Variants in PCSK5 observed in about 807,000 individuals in gnomAD.
The protein encoded by PCSK5 is prohormone convertase 5.
Under a neutral mutation model 233.2 loss-of-function variants are expected in PCSK5, and 129 were observed. That is an observed-to-expected ratio of 0.55 (90% confidence interval 0.48 to 0.64). The LOEUF is 0.64. Ranked by LOEUF, PCSK5 falls within the 30% of genes least tolerant of loss-of-function variation. PCSK5 has a pLI of 0.00. For synonymous variants in PCSK5, 825 were observed against 879.2 expected, an observed-to-expected ratio of 0.94 and a Z score of 1.09; for missense variants, 2,076 against 2,430.1, an observed-to-expected ratio of 0.85 and a Z score of 3.06.
At chr9:76,172,997 G>A (rs1422116616) in intron 13 of PCSK5, among the ~76,000 whole-genome samples, 1 of 152,186 alleles carries the variant, frequency 6.6e-6, no homozygotes, top group Non-Finnish European at 1.5e-5. Flanking sequence ...TCCTAGAAAT[G>A]AATAGGAGAT....
intron 37 of PCSK5, among the ~76,000 whole-genome samples, chr9:76,356,428 T>C (rs1011067683): frequency 3.3e-5 from 5 of 152,212 alleles, no homozygotes; most frequent in African/African-American, 1.2e-4. Context: ...GGATGGAGAA[T>C]AGTAAGCAAG....
At chr9:76,198,235 T>C (rs1337247064) in intron 20 of PCSK5, among the ~76,000 whole-genome samples, 1 of 152,192 alleles carries the variant, frequency 6.6e-6, no homozygotes, top group Non-Finnish European at 1.5e-5. Flanking sequence ...GGACCATTGT[T>C]GGATCCAGTT....
chr9:75,935,375 C>G (rs80104319), intron 2 of PCSK5, among the ~76,000 whole-genome samples: 6 of 152,154 alleles, frequency 3.9e-5, no homozygotes, highest in Non-Finnish European at 7.4e-5. Flanking sequence ...CCGATATTCA[C>G]ATGTATACGT....
intron 5 of PCSK5, among the ~76,000 whole-genome samples, chr9:76,028,361 A>G (rs1478937945): frequency 6.6e-6 from 1 of 152,160 alleles, no homozygotes; most frequent in Non-Finnish European, 1.5e-5. Context: ...TGGAGACCAG[A>G]GTTTTATTAT....
intron 2 of PCSK5, among the ~76,000 whole-genome samples, chr9:75,951,854 A>G (rs1824873909): frequency 6.6e-6 from 1 of 152,236 alleles, no homozygotes; most frequent in South Asian, 2.1e-4. Flanking sequence ...GGCTAAAAGT[A>G]TATAAGCTAC....
chr9:76,274,640 T>G (rs73652912), intron 24 of PCSK5, among the ~76,000 whole-genome samples: 5,457 of 152,288 alleles, frequency 0.036, 320 homozygotes, highest in African/African-American at 0.12. Flanking sequence ...TGAGATGTTC[T>G]AGAACACACA....
At chr9:75,901,628 A>C (rs887973808) in intron 1 of PCSK5, among the ~76,000 whole-genome samples, 1 of 65,452 alleles carries the variant, frequency 1.5e-5, no homozygotes, top group East Asian at 2.4e-4. Flanking sequence ...CCCAGAACTT[A>C]AAAAAAAAAA....
At chr9:76,330,286 G>T (rs185087203) in intron 33 of PCSK5, among the ~76,000 whole-genome samples, 11 of 152,286 alleles carry the variant, frequency 7.2e-5, no homozygotes, top group Non-Finnish European at 1.5e-4. Context: ...CAGGGATACT[G>T]TGACTAGGCT....
chr9:76,180,046 A>G (rs1017503137), intron 15 of PCSK5, among the ~76,000 whole-genome samples: 1 of 141,840 alleles, frequency 7.1e-6, no homozygotes, highest in African/African-American at 2.7e-5. Flanking sequence ...GCATGTATTT[A>G]TAATGCATAA....
chr9:76,320,852 G>C (rs536630283), intron 30 of PCSK5, among the ~76,000 whole-genome samples: 1 of 146,688 alleles, frequency 6.8e-6, no homozygotes, highest in East Asian at 2.0e-4. Context: ...GTCTCACTCT[G>C]TCACCAGGTT....
chr9:75,989,506 A>C (rs1053175236), intron 3 of PCSK5, among the ~76,000 whole-genome samples: 1 of 151,864 alleles, frequency 6.6e-6, no homozygotes, highest in Non-Finnish European at 1.5e-5. Context: ...AAAAAAAAAA[A>C]AACAATTATC....
Position 76,213,963 on chromosome 9 carries a change from T to C in PCSK5, c.2627-13540T>C, listed in dbSNP as rs148996681. ...ATTTGCAGTTCAACAAACAAAAAAA[T>C]GGAATGAATTCCTCACACTTAGGAA... is the stretch of plus-strand genomic sequence containing the variant. On this transcript the variant is annotated intron_variant, in intron 20 of 37. Coordinates refer to ENST00000674117, the MANE Select transcript of PCSK5 (RefSeq NM_001372043.1). Among the ~76,000 whole-genome samples the C allele has an allele frequency of 6.7e-3, 1,023 of 152,234 alleles. 9 individuals are homozygous for C. Among genetic ancestry groups the C allele is most frequent in the Middle Eastern group, 0.027 (8 of 294 alleles).
chr9:76,323,826 G>C (rs564951627), intron 32 of PCSK5, among the ~76,000 whole-genome samples: 9 of 152,256 alleles, frequency 5.9e-5, no homozygotes, highest in South Asian at 2.1e-4. Context: ...ATTTACAGCA[G>C]AGAGGAGGAG....
chr9:76,014,969 G>C (rs1484559925), intron 3 of PCSK5, among the ~76,000 whole-genome samples: 2 of 152,120 alleles, frequency 1.3e-5, no homozygotes, highest in Non-Finnish European at 2.9e-5. Context: ...AGAAAGAGAG[G>C]GAGAGGGAGA....
At chr9:75,925,530 T>G (rs2131265807) in intron 1 of PCSK5, among the ~76,000 whole-genome samples, 1 of 152,310 alleles carries the variant, frequency 6.6e-6, no homozygotes, top group South Asian at 2.1e-4. Context: ...AATAAATGGG[T>G]CATGTAAGTG....
chr9:75,907,444 A>C (rs752050268), intron 1 of PCSK5, among the ~76,000 whole-genome samples: 101 of 152,210 alleles, frequency 6.6e-4, no homozygotes, highest in Non-Finnish European at 1.3e-3. Context: ...TCTAGGATTG[A>C]TGAGTCATTT....
At position 76,096,082 on chromosome 9, in the gene PCSK5, G is replaced by A; in HGVS notation, c.1087G>A (p.Glu363Lys). The change falls in exon 8 of 38, where the codon GAG (glutamate) becomes AAG (lysine). Residue 363 changes from glutamate to lysine, a missense_variant. This residue lies in a region of PCSK5 where 178 missense variants were observed against 393.6 expected (regional missense o/e 0.45). Coordinates refer to ENST00000674117, the MANE Select transcript of PCSK5 (RefSeq NM_001372043.1). ...STLATTYSSGESYDKKIITTD... is the reference protein window; with the variant it reads ...STLATTYSSGKSYDKKIITTD... ...GCTGGCCACAACCTACAGCAGCGGG[G>A]AGTCCTACGATAAGAAAATCGTACG... 6.2e-7 allele frequency: 1 copy of A among 1,613,702 alleles called. No homozygotes were observed. The highest frequency in any genetic ancestry group is 8.5e-7 in the Non-Finnish European group (1 of 1,179,734).
chr9:76,259,828 C>T (rs1827110466), intron 24 of PCSK5, among the ~76,000 whole-genome samples: 1 of 152,046 alleles, frequency 6.6e-6, no homozygotes, highest in South Asian at 2.1e-4. Flanking sequence ...TCTCAGGGCT[C>T]ACCTCAGGTG....
intron 24 of PCSK5, among the ~76,000 whole-genome samples, chr9:76,258,743 T>C (rs74612121): frequency 6.6e-6 from 1 of 152,180 alleles, no homozygotes; most frequent in Non-Finnish European, 1.5e-5. Flanking sequence ...AAGGAGCAAC[T>C]GGAAAGTTTT....
Sources: gnomAD v4.1 joint callset for allele counts (sites outside exome capture counted in the v4.1 genomes callset) on GRCh38, gnomAD v4.1.1 for gene constraint, gnomAD v4.1.1 regional missense constraint, MANE v1.5 for transcripts, NCBI Gene and HGNC (gene_info 2026-07-23, HGNC 2026-07-21) for gene names.